MAP3K5: variants seen among roughly 807,000 people sequenced by gnomAD.
The protein encoded by MAP3K5 is ASK-1.
MAP3K5 carries 56 observed loss-of-function variants against 158.7 expected under a neutral mutation model. That is an observed-to-expected ratio of 0.35 (90% CI 0.28 to 0.44). MAP3K5 has a LOEUF of 0.44. MAP3K5 is among the 20% of genes least tolerant of loss of function. The pLI, the probability that MAP3K5 is intolerant of heterozygous loss-of-function variation, is 1.00. For missense variants in MAP3K5, 1,294 were observed against 1,674.8 expected (o/e 0.77, Z 3.97); for synonymous variants, 579 against 601.7 (o/e 0.96, Z 0.55).
At chr6:136,779,445 A>AG (rs1191035540) in intron 1 of MAP3K5, among the ~76,000 whole-genome samples, 6 of 149,062 alleles carry the variant, frequency 4.0e-5, no homozygotes, top group African/African-American at 1.5e-4. Context: ...CCTGTCTCAA[A>AG]AAAAAAAAAA....
At chr6:136,780,115 A>T (rs1351296913) in intron 1 of MAP3K5, among the ~76,000 whole-genome samples, 1 of 152,228 alleles carries the variant, frequency 6.6e-6, no homozygotes, top group East Asian at 1.9e-4. Flanking sequence ...GGCTTAGTGC[A>T]GCACTCCCTC....
chr6:136,709,074 C>T (rs1781197213), intron 2 of MAP3K5, among the ~76,000 whole-genome samples: 1 of 152,142 alleles, frequency 6.6e-6, no homozygotes, highest in Non-Finnish European at 1.5e-5. Flanking sequence ...AATCCTCACA[C>T]ACATCTCCTC....
chr6:136,692,820 G>A (rs763735307), intron 7 of MAP3K5, among the ~76,000 whole-genome samples: 2 of 152,106 alleles, frequency 1.3e-5, no homozygotes, highest in Non-Finnish European at 2.9e-5. Context: ...GCCAGGCGTG[G>A]TGGCACACAC....
intron 17 of MAP3K5, among the ~76,000 whole-genome samples, chr6:136,612,451 T>C (rs1167210943): frequency 6.6e-6 from 1 of 152,224 alleles, no homozygotes; most frequent in Non-Finnish European, 1.5e-5. Flanking sequence ...GTTACCTTAC[T>C]TTCTTTTCTA....
rs78303756 is a variant in MAP3K5, at chr6:136,583,658, C to T, written c.3308G>A (p.Arg1103Gln). The T allele has an allele frequency of 1.1e-5, 17 of 1,614,184 alleles. No homozygotes were observed. The African/African-American group carries it at 1.5e-4, about 14-fold the overall frequency. The change falls in exon 24 of 30, where the codon CGA (arginine) becomes CAA (glutamine). Residue 1103 changes from arginine to glutamine, a missense_variant. Physicochemically the swap from Arg to Gln is conservative, Grantham distance 43. This residue lies in a region of MAP3K5 where 362 missense variants were observed against 463.2 expected (regional missense o/e 0.78). Coordinates refer to ENST00000359015, the MANE Select transcript of MAP3K5 (RefSeq NM_005923.4). Reference sequence around the variant, plus strand: ...TGACAGTGTGGTGGCTATGATTTTTCGGTCAGTGGATCTCACAAATTCTCT... The same window carrying T: ...TGACAGTGTGGTGGCTATGATTTTTTGGTCAGTGGATCTCACAAATTCTCT... ...SLREFVRSTD[R>Q]KIIATTLSKL...
In MAP3K5 at chr6:136,762,522, T is replaced by C. The variant is rs112174731; in HGVS notation, c.448+29188A>G. 4.0e-4 allele frequency among the ~76,000 whole-genome samples: 61 copies of C among 151,834 alleles called. 1 individual carries two copies. Among genetic ancestry groups the C allele is most frequent in the African/African-American group, 1.5e-3 (61 of 41,388 alleles). ...GCAGCATCAGAAATAAGACAGTGAG[T>C]GTGTGAGGGTAAGGGGGGAAGAGAG... On this transcript the variant is annotated intron_variant, in intron 1 of 29. Transcript: ENST00000359015.
At position 136,567,708 on chromosome 6, in the gene MAP3K5, A is replaced by G. The variant is rs1239724426; in HGVS notation, c.3684T>C (p.Ser1228=). The G allele has an allele frequency of 1.9e-6, 3 of 1,614,192 alleles. No individual in the cohort carries two copies. The highest frequency in any genetic ancestry group is 2.5e-6 in the Non-Finnish European group (3 of 1,180,030). The change falls in exon 26 of 30, where the codon TCT becomes TCC. Residue 1228 remains serine (S), a synonymous_variant. Coordinates refer to ENST00000359015, the MANE Select transcript of MAP3K5 (RefSeq NM_005923.4). ...VATSGVSTLS[S]TVSHDSQSAH... is the part of the protein sequence containing the mutation. ...CACTCTGGGAATCATGAGACACAGT[A>G]GAACTGAGCGTGCTCACGCCTGAGG...
At chr6:136,585,106 T>TG (rs1289459956) in intron 23 of MAP3K5, among the ~76,000 whole-genome samples, 5 of 94,560 alleles carry the variant, frequency 5.3e-5, no homozygotes, top group African/African-American at 2.1e-4. Flanking sequence ...TTTCTTTTTG[T>TG]TTTTTTTTTT....
chr6:136,650,471 T>C (rs1184640798), intron 11 of MAP3K5, among the ~76,000 whole-genome samples: 4 of 152,240 alleles, frequency 2.6e-5, no homozygotes, highest in African/African-American at 4.8e-5. Context: ...TTTCTCAAAA[T>C]AGGTGGTCGC....
At chr6:136,592,761 T>C (rs1775452010) in intron 21 of MAP3K5, 147 bp from the exon 22 acceptor site, 2 of 765,146 alleles carry the variant, frequency 2.6e-6, no homozygotes, top group Non-Finnish European at 4.6e-6. Flanking sequence ...AACGGTCATG[T>C]GTTATGACTG....
chr6:136,719,075 C>T (rs1009937129), intron 2 of MAP3K5, among the ~76,000 whole-genome samples: 2 of 152,090 alleles, frequency 1.3e-5, no homozygotes, highest in Non-Finnish European at 2.9e-5. Context: ...ACTCAGGAGG[C>T]TGAGGAGGGA....
At chr6:136,745,143 GTTTT>G (rs11302986) in intron 1 of MAP3K5, among the ~76,000 whole-genome samples, 2 of 108,046 alleles carry the variant, frequency 1.9e-5, no homozygotes, top group African/African-American at 4.0e-5. Context: ...AGTCATTAAA[GTTTT>G]TTTTTTTTTT....
chr6:136,772,708 C>T (rs1488295389), intron 1 of MAP3K5, among the ~76,000 whole-genome samples: 1 of 152,150 alleles, frequency 6.6e-6, no homozygotes, highest in East Asian at 1.9e-4. Context: ...AGTAAGGTGG[C>T]AAACTGAGCA....
intron 7 of MAP3K5, among the ~76,000 whole-genome samples, chr6:136,678,923 A>C (rs1394749995): frequency 6.6e-6 from 1 of 152,034 alleles, no homozygotes; most frequent in Non-Finnish European, 1.5e-5. Flanking sequence ...ATGGGGTTTC[A>C]CCATGTTGGC....
intron 25 of MAP3K5, among the ~76,000 whole-genome samples, chr6:136,569,260 G>A (rs1236933072): frequency 1.3e-5 from 2 of 152,122 alleles, no homozygotes; most frequent in African/African-American, 4.8e-5. Flanking sequence ...TCACTTGTGG[G>A]GGAAATCTGC....
At chr6:136,564,239 C>T (rs1023858007) in intron 26 of MAP3K5, among the ~76,000 whole-genome samples, 1 of 152,142 alleles carries the variant, frequency 6.6e-6, no homozygotes, top group Non-Finnish European at 1.5e-5. Context: ...CCCCCAGGCT[C>T]GACCCCATTC....
At chr6:136,663,819 G>C (rs1308236068) in intron 8 of MAP3K5, among the ~76,000 whole-genome samples, 1 of 151,850 alleles carries the variant, frequency 6.6e-6, no homozygotes, top group Non-Finnish European at 1.5e-5. Context: ...CATCATGTTG[G>C]GCAGGCTGAT....
intron 1 of MAP3K5, among the ~76,000 whole-genome samples, chr6:136,739,343 C>T (rs1364758841): frequency 6.6e-6 from 1 of 152,108 alleles, no homozygotes; most frequent in African/African-American, 2.4e-5. Flanking sequence ...CCCATTTCCT[C>T]ACCTGTCAAC....
At chr6:136,739,120 C>T (rs1469714713) in intron 1 of MAP3K5, among the ~76,000 whole-genome samples, 1 of 152,098 alleles carries the variant, frequency 6.6e-6, no homozygotes, top group African/African-American at 2.4e-5. Context: ...AGAACTGATT[C>T]GTCAGTGGAG....
Sources: gnomAD v4.1 joint callset for allele counts (sites outside exome capture counted in the v4.1 genomes callset) on GRCh38, gnomAD v4.1.1 for gene constraint, gnomAD v4.1.1 regional missense constraint, MANE v1.5 for transcripts, NCBI Gene and HGNC (gene_info 2026-07-23, HGNC 2026-07-21) for gene names.